Variants in FAM13B observed in about 807,000 individuals in gnomAD.
The protein encoded by FAM13B is family with sequence similarity 13 member B, also known as protein FAM13B.
Under a neutral mutation model 117.3 loss-of-function variants are expected in FAM13B, and 60 were observed. The observed-to-expected ratio is 0.51, with a 90% CI of 0.42 to 0.63. The LOEUF (loss-of-function observed/expected upper bound fraction) is 0.63, where lower values mean the gene tolerates loss of function less well. Ranked by LOEUF, FAM13B falls within the 30% of genes least tolerant of loss-of-function variation. FAM13B has a pLI of 0.00. For missense variants in FAM13B, 972 were observed against 1,091.9 expected (o/e 0.89, Z 1.55); for synonymous variants, 332 against 356.1 (o/e 0.93, Z 0.76).
chr5:138,048,163 C>T, intron 1 of FAM13B, among the ~76,000 whole-genome samples: 1 of 152,172 alleles, frequency 6.6e-6, no homozygotes, highest in Non-Finnish European at 1.5e-5. Context: ...TACGATTTCC[C>T]ATATACCCAC....
chr5:138,011,020 T>G lies in FAM13B; in HGVS notation c.678A>C (p.Ser226=). ...EEDFSSNDLS[S]ITEQVNELSE... is the part of the protein sequence containing the mutation. Reference sequence around the variant, plus strand: ...AGAATATTCTCACCTGTTCAGTAATTGAACTCAAATCATTAGATGAAAAAT... The same window carrying G: ...AGAATATTCTCACCTGTTCAGTAATGGAACTCAAATCATTAGATGAAAAAT... Residue 226 remains serine (S), a synonymous_variant, in exon 6 of 24, where the codon TCA becomes TCC. Transcript: ENST00000689681. The G allele has an allele frequency of 6.3e-7, 1 of 1,596,128 alleles. No individual in the cohort carries two copies. The highest frequency in any genetic ancestry group is 8.5e-7 in the Non-Finnish European group (1 of 1,175,536).
chr5:137,975,944 G>A (rs1174235922), intron 10 of FAM13B, among the ~76,000 whole-genome samples: 1 of 146,384 alleles, frequency 6.8e-6, no homozygotes, highest in Non-Finnish European at 1.5e-5. Context: ...GGGAAGGGGG[G>A]AATATCTCTT....
At chr5:137,995,969 T>G (rs1489426519) in intron 7 of FAM13B, among the ~76,000 whole-genome samples, 1 of 152,172 alleles carries the variant, frequency 6.6e-6, no homozygotes, top group African/African-American at 2.4e-5. Flanking sequence ...GGAACCTGGA[T>G]ATTGAAAATG....
In FAM13B at chr5:137,984,133, C is replaced by G. The variant is rs185049429; in HGVS notation, c.1179+1124G>C. 8.1e-4 allele frequency among the ~76,000 whole-genome samples: 124 copies of G among 152,252 alleles called. 1 individual carries two copies. The highest frequency in any genetic ancestry group is 3.0e-3 in the African/African-American group (123 of 41,552). ...ACAATGTTCCTAGGTTTCTGCTAAT[C>G]AAGAAAGGATGCCAACAGTGGAGGT... On this transcript the variant is annotated intron_variant, in intron 10 of 23. Transcript: ENST00000689681.
At chr5:138,015,936 G>A (rs983767230) in intron 4 of FAM13B, among the ~76,000 whole-genome samples, 13 of 152,160 alleles carry the variant, frequency 8.5e-5, no homozygotes, top group African/African-American at 2.7e-4. Flanking sequence ...TGTATAAGTG[G>A]AAAATAGAAG....
intron 1 of FAM13B, among the ~76,000 whole-genome samples, chr5:138,040,991 G>T (rs1791483052): frequency 6.7e-6 from 1 of 150,324 alleles, no homozygotes; most frequent in South Asian, 2.1e-4. Flanking sequence ...TTGAACCTGG[G>T]AGGCAGAGGT....
In FAM13B at chr5:138,018,435, G is replaced by C; in HGVS notation, c.237C>G (p.Ser79Arg). Reference protein sequence around the residue: ...TVEWLRQRYDSGEEVDLVKEA... With the variant: ...TVEWLRQRYDRGEEVDLVKEA... ...CCTTAACCAAATCCACCTCTTCTCC[G>C]CTGTCGTATCTCTGCCGAAGCCACT... Residue 79 changes from serine to arginine, a missense_variant, in exon 4 of 24, where the codon AGC (serine) becomes AGG (arginine). Coordinates refer to ENST00000689681, the MANE Select transcript of FAM13B (RefSeq NM_001385994.1). 1 of 1,614,060 alleles carries C rather than the reference G, an allele frequency of 6.2e-7. No individual in the cohort carries two copies. The highest frequency in any genetic ancestry group is 1.1e-5 in the South Asian group (1 of 91,080).
chr5:138,035,290 C>A (rs1791049695), upstream of FAM13B, among the ~76,000 whole-genome samples: 1 of 151,870 alleles, frequency 6.6e-6, no homozygotes, highest in African/African-American at 2.4e-5. Context: ...TGATTACAGG[C>A]GTGAGCCACC....
intron 9 of FAM13B, 97 bp downstream of exon 9, chr5:137,987,364 T>C: frequency 1.7e-6 from 2 of 1,148,138 alleles, no homozygotes; most frequent in South Asian, 1.8e-5. Flanking sequence ...TTCAGAAATC[T>C]CCAAGAAAGA....
In FAM13B at chr5:137,939,985, C is replaced by T. The variant is rs1561719217; in HGVS notation, c.*240G>A. On this transcript the variant is annotated 3_prime_UTR_variant, in exon 24 of 24. Transcript: ENST00000689681. ...TGTAGTACAAAACAATGAAGTAAAC[C>T]ATATGTTTGCTAAAGGTGGAGAGGA... 6.4e-7 allele frequency: 1 copy of T among 1,563,866 alleles called. No individual in the cohort carries two copies. Among genetic ancestry groups the T allele is most frequent in the Non-Finnish European group, 8.7e-7 (1 of 1,155,760 alleles).
chr5:137,962,600 C>T, intron 10 of FAM13B, 131 bp from the exon 11 acceptor site: 1 of 693,962 alleles, frequency 1.4e-6, no homozygotes, highest in Non-Finnish European at 2.4e-6. Context: ...TTATAATAGT[C>T]TGTAGTACTT....
intron 10 of FAM13B, among the ~76,000 whole-genome samples, chr5:137,966,488 T>TATATATATATATATAGAGAGAG (rs1461425784): frequency 3.4e-5 from 1 of 29,482 alleles, no homozygotes; most frequent in African/African-American, 1.3e-4. Flanking sequence ...TATATATATA[T>TATATATATATATATAGAGAGAG]AGAGAGAGAG....
At chr5:138,014,521 T>G (rs1378358298) in intron 4 of FAM13B, among the ~76,000 whole-genome samples, 1 of 152,220 alleles carries the variant, frequency 6.6e-6, no homozygotes, top group African/African-American at 2.4e-5. Context: ...ATTCCTCCTC[T>G]CCATCAGTGG....
chr5:137,940,257 T>C lies in FAM13B; in HGVS notation c.2782A>G (p.Ile928Val), dbSNP rs1761245671. ...KAKLRLLEVL[I>V]SKQDSSKSI is the part of the protein sequence containing the mutation. The stretch of plus-strand genomic sequence containing the variant: ...GATTTTGAAGAATCTTGTTTGCTTA[T>C]AAGAACTTCAAGAAGCCTAAGCTTG... The change falls in exon 24 of 24, where the codon ATA becomes GTA. Residue 928 changes from isoleucine (I) to valine (V), a missense_variant. Ile to Val is a conservative substitution (Grantham distance 29). Coordinates refer to ENST00000689681, the MANE Select transcript of FAM13B (RefSeq NM_001385994.1). The C allele has an allele frequency of 1.9e-6, 3 of 1,614,050 alleles. No homozygotes were observed. Among genetic ancestry groups the C allele is most frequent in the Non-Finnish European group, 1.7e-6 (2 of 1,179,920 alleles).
At chr5:137,969,899 A>G in intron 10 of FAM13B, among the ~76,000 whole-genome samples, 1 of 152,152 alleles carries the variant, frequency 6.6e-6, no homozygotes, top group Non-Finnish European at 1.5e-5. Flanking sequence ...GCGAGAAGGG[A>G]AGTTTAGAGA....
chr5:137,942,658 T>A, intron 22 of FAM13B: 2 of 507,052 alleles, frequency 3.9e-6, no homozygotes, highest in South Asian at 2.8e-5. Context: ...CCACTGTGCC[T>A]GGCTAGATTT....
rs563127714 is a variant in FAM13B, at chr5:137,949,864, G to A, written c.1931-680C>T. Among the ~76,000 whole-genome samples the A allele has an allele frequency of 2.6e-4, 40 of 152,132 alleles. No homozygotes were observed. In the South Asian group the frequency reaches 7.9e-3, roughly 30 times the overall value. ...TAAGTCCCAGCTACTTGGGAGGCTGGGGTGGGAAGACCACATTGAGCCTGG... is the reference window on the plus strand; with the variant it reads ...TAAGTCCCAGCTACTTGGGAGGCTGAGGTGGGAAGACCACATTGAGCCTGG... On this transcript the variant is annotated intron_variant, in intron 17 of 23. Transcript: ENST00000689681.
At chr5:138,023,571 C>T (rs1787355565) in intron 1 of FAM13B, among the ~76,000 whole-genome samples, 1 of 152,080 alleles carries the variant, frequency 6.6e-6, no homozygotes, top group South Asian at 2.1e-4. Context: ...CATTCTGGCG[C>T]TCAAACTGGC....
chr5:138,014,080 G>A (rs909589920), intron 4 of FAM13B, among the ~76,000 whole-genome samples: 1 of 152,134 alleles, frequency 6.6e-6, no homozygotes, highest in Non-Finnish European at 1.5e-5. Flanking sequence ...AGAACCACAA[G>A]CAAATGCCAC....
Sources: gnomAD v4.1 joint callset for allele counts (sites outside exome capture counted in the v4.1 genomes callset) on GRCh38, gnomAD v4.1.1 for gene constraint, MANE v1.5 for transcripts, NCBI Gene and HGNC (gene_info 2026-07-23, HGNC 2026-07-21) for gene names.